Variants in SLITRK1 observed in about 807,000 individuals in gnomAD.
The protein encoded by SLITRK1 is SLIT and NTRK-like protein 1.
Under a neutral mutation model 42.4 loss-of-function variants are expected in SLITRK1, and 10 were observed. The ratio of observed to expected loss-of-function variants is 0.24; its 90% confidence interval spans 0.15 to 0.40. SLITRK1 has a LOEUF of 0.40. SLITRK1 is among the 10% of genes least tolerant of loss of function. SLITRK1 has a pLI of 1.00. For synonymous variants in SLITRK1, 389 were observed against 365.7 expected (o/e 1.06, Z -0.73); for missense variants, 778 against 848.8 (o/e 0.92, Z 1.04).
chr13:83,881,649 G>A, intron 1 of SLITRK1, 89 bp from the exon 2 acceptor site: 1 of 873,654 alleles, frequency 1.1e-6, no homozygotes, highest in South Asian at 1.5e-5. Flanking sequence ...GGGGGTGGGG[G>A]TGGATTCCTT....
Position 83,879,183 on chromosome 13 carries a change from A to G in SLITRK1, c.*234T>C, listed in dbSNP as rs1884751047. 2 of 561,524 alleles carry G rather than the reference A, an allele frequency of 3.6e-6. No individual in the cohort carries two copies. The highest frequency in any genetic ancestry group is 3.2e-6 in the Non-Finnish European group (1 of 314,000). 34.8% of individuals were successfully genotyped at this position (561,524 alleles called of 1,614,324 possible). Reference sequence around the variant, plus strand: ...CTGTCAAAAGGGGCTCTCAGCAAAGAGCGAGCTGGCTGCGCTCTCCCAGCT... The same window carrying G: ...CTGTCAAAAGGGGCTCTCAGCAAAGGGCGAGCTGGCTGCGCTCTCCCAGCT... On this transcript the variant is annotated 3_prime_UTR_variant, in exon 2 of 2. Coordinates refer to ENST00000674365, the MANE Select transcript of SLITRK1 (RefSeq NM_001281503.2).
chr13:83,880,466 C>A lies in SLITRK1; in HGVS notation c.1042G>T (p.Asp348Tyr), dbSNP rs1232822038. 1 of 1,613,958 alleles carries A rather than the reference C, an allele frequency of 6.2e-7. No homozygotes were observed. Among genetic ancestry groups the A allele is most frequent in the Non-Finnish European group, 8.5e-7 (1 of 1,180,004 alleles). ...TTTAAACCCGACCCTGGGATGTGGT[C>A]GCAGCTGCAGCCCCCAGGGCAGGGT... ...SLPCPGGCSCDHIPGSGLKMN... is the reference protein window; with the variant it reads ...SLPCPGGCSCYHIPGSGLKMN... The change falls in exon 2 of 2, where the codon GAC becomes TAC. Residue 348 changes from aspartate to tyrosine, a missense_variant. Asp to Tyr is a radical substitution (Grantham distance 160, BLOSUM62 -3). Transcript: ENST00000674365.
Position 83,877,315 on chromosome 13 carries a change from G to A in SLITRK1, c.*2102C>T, listed in dbSNP as rs943575786. ...TCCCTTTAGAATATGAGTTCTAGAT[G>A]GCAGATCTACTTACAACTGCTCTGA... On this transcript the variant is annotated 3_prime_UTR_variant, in exon 2 of 2. Transcript: ENST00000674365. 6.6e-6 allele frequency: 1 copy of A among 152,060 alleles called. No individual in the cohort carries two copies. Among genetic ancestry groups the A allele is most frequent in the Non-Finnish European group, 1.5e-5 (1 of 68,016 alleles). The allele number at this position is 152,060 out of a possible 1,614,324, so 9.4% of individuals were successfully genotyped here. A position where few individuals can be genotyped will look rare whatever the true frequency, so the allele number is the denominator to read the frequency against.
chr13:83,881,020 T>G lies in SLITRK1; in HGVS notation c.488A>C (p.Asp163Ala). ...GGCAGGTAGGGTGCTGATGAGATTG[T>G]CATTTAAAATGAGCACCTCCAGCTT... ...LNKLEVLILN[D>A]NLISTLPANV... The change falls in exon 2 of 2, where the codon GAC becomes GCC. Residue 163 changes from aspartate (D) to alanine (A), a missense_variant. By Grantham distance (126) the Asp-to-Ala change is moderately radical. Transcript: ENST00000674365. 1 of 1,614,042 alleles carries G rather than the reference T, an allele frequency of 6.2e-7. No homozygotes were observed.
Position 83,880,197 on chromosome 13 carries a change from C to A in SLITRK1, c.1311G>T (p.Thr437=). The A allele has an allele frequency of 6.2e-7, 1 of 1,613,962 alleles. No individual in the cohort carries two copies. Among genetic ancestry groups the A allele is most frequent in the Non-Finnish European group, 8.5e-7 (1 of 1,180,014 alleles). ...GCCCCGCGAATTTCTCCCGGGACAG[C>A]GTGTCCAGGTAATTGCTATCCATGT... ...WLYMDSNYLD[T]LSREKFAGLQ... Residue 437 remains threonine, a synonymous_variant, in exon 2 of 2, where the codon ACG becomes ACT. Coordinates refer to ENST00000674365, the MANE Select transcript of SLITRK1 (RefSeq NM_001281503.2).
chr13:83,880,635 C>G lies in SLITRK1; in HGVS notation c.873G>C (p.Lys291Asn), dbSNP rs1411826729. The G allele has an allele frequency of 6.2e-7, 1 of 1,614,130 alleles. No homozygotes were observed. Among genetic ancestry groups the G allele is most frequent in the South Asian group, 1.1e-5 (1 of 91,078 alleles). ...TGGCATGATCCTCTTGCCCATTTGT[C>G]TTGAAAGGAGTTGGCAGGGGTCCAG... ...FAPGPLPTPFKTNGQEDHATP... is the reference protein window; with the variant it reads ...FAPGPLPTPFNTNGQEDHATP... Residue 291 changes from lysine to asparagine, a missense_variant, in exon 2 of 2, where the codon AAG becomes AAC. Transcript: ENST00000674365.
At position 83,879,270 on chromosome 13, in the gene SLITRK1, G is replaced by T; in HGVS notation, c.*147C>A. Reference sequence around the variant, plus strand: ...AGTAAGGGGTCAGGCCCTTTCGGTTGTGCGAGCTCACAGTTATTTATCTAC... The same window carrying T: ...AGTAAGGGGTCAGGCCCTTTCGGTTTTGCGAGCTCACAGTTATTTATCTAC... On this transcript the variant is annotated 3_prime_UTR_variant, in exon 2 of 2. Coordinates refer to ENST00000674365, the MANE Select transcript of SLITRK1 (RefSeq NM_001281503.2). 1 of 959,066 alleles carries T rather than the reference G, an allele frequency of 1.0e-6. No individual in the cohort carries two copies. The highest frequency in any genetic ancestry group is 1.6e-6 in the Non-Finnish European group (1 of 629,818). 59.4% of individuals were successfully genotyped at this position (959,066 alleles called of 1,614,324 possible). A position where few individuals can be genotyped will look rare whatever the true frequency, so the allele number is the denominator to read the frequency against.
chr13:83,879,979 G>A lies in SLITRK1; in HGVS notation c.1529C>T (p.Pro510Leu), dbSNP rs757819524. The A allele has an allele frequency of 2.5e-6, 4 of 1,614,058 alleles. No individual in the cohort carries two copies. The highest frequency in any genetic ancestry group is 1.7e-5 in the Admixed American group (1 of 60,008). ...TAACTGGTCCAGCACCCCTGCCACC[G>A]GGAGGTACATGAAGTAATTGTTGTG... is the stretch of plus-strand genomic sequence containing the variant. ...SLHNNYFMYL[P>L]VAGVLDQLTS... The change falls in exon 2 of 2, where the codon CCG becomes CTG. Residue 510 changes from proline to leucine, a missense_variant. Coordinates refer to ENST00000674365, the MANE Select transcript of SLITRK1 (RefSeq NM_001281503.2).
At position 83,880,379 on chromosome 13, in the gene SLITRK1, C is replaced by T. The variant is rs761639713; in HGVS notation, c.1129G>A (p.Val377Met). Residue 377 changes from valine to methionine, a missense_variant, in exon 2 of 2, where the codon GTG becomes ATG. Physicochemically the swap from Val to Met is conservative, Grantham distance 21. Around this residue, in one of 4 missense-constraint regions of SLITRK1, gnomAD observed 395 missense variants for 360.4 expected, o/e 1.10. Coordinates refer to ENST00000674365, the MANE Select transcript of SLITRK1 (RefSeq NM_001281503.2). Reference sequence around the variant, plus strand: ...TTATCTCGTAGGAAAAGCTCCTGCACGTTAGAGAGCTTGGGCTTCAAATCA... The same window carrying T: ...TTATCTCGTAGGAAAAGCTCCTGCATGTTAGAGAGCTTGGGCTTCAAATCA... ...LADLKPKLSN[V>M]QELFLRDNKI... 33 of 1,613,716 alleles carry T rather than the reference C, an allele frequency of 2.0e-5. No homozygotes were observed. The highest frequency in any genetic ancestry group is 2.5e-5 in the Non-Finnish European group (29 of 1,180,010).
Position 83,881,562 on chromosome 13 carries a change from T to C in SLITRK1, c.-53-2A>G. The C allele has an allele frequency of 1.3e-6, 2 of 1,524,186 alleles. No individual in the cohort carries two copies. The highest frequency in any genetic ancestry group is 1.8e-6 in the Non-Finnish European group (2 of 1,123,896). The allele number at this position is 1,524,186 out of a possible 1,614,324, so 94.4% of individuals were successfully genotyped here. ...CATCACAAAGTAACAGCGACCATCC[T>C]GCTCGCCACAGACACAATTCAAGTT... is the stretch of plus-strand genomic sequence containing the variant. On this transcript the variant is annotated splice_acceptor_variant, in intron 1 of 1. Coordinates refer to ENST00000674365, the MANE Select transcript of SLITRK1 (RefSeq NM_001281503.2). LOFTEE classifies it low-confidence loss of function (5UTR_SPLICE).
In SLITRK1 at chr13:83,880,112, T is replaced by C. The variant is rs1566298714; in HGVS notation, c.1396A>G (p.Thr466Ala). ...CTCAGTTTGGGCATGGCATTGAAAG[T>C]GCCCGGGAGGATGAGCTGGATAGCG... ...YNAIQLILPGTFNAMPKLRIL... is the reference protein window; with the variant it reads ...YNAIQLILPGAFNAMPKLRIL... Residue 466 changes from threonine to alanine, a missense_variant, in exon 2 of 2, where the codon ACT becomes GCT. By Grantham distance (58) the Thr-to-Ala change is moderately conservative (BLOSUM62 0). Around this residue, in one of 4 missense-constraint regions of SLITRK1, gnomAD observed 395 missense variants for 360.4 expected, o/e 1.10. Coordinates refer to ENST00000674365, the MANE Select transcript of SLITRK1 (RefSeq NM_001281503.2). 6.2e-7 allele frequency: 1 copy of C among 1,613,912 alleles called. No homozygotes were observed. The highest frequency in any genetic ancestry group is 1.3e-5 in the African/African-American group (1 of 74,984).
chr13:83,880,736 G>C lies in SLITRK1; in HGVS notation c.772C>G (p.Gln258Glu). The C allele has an allele frequency of 6.2e-7, 1 of 1,614,162 alleles. No homozygotes were observed. Among genetic ancestry groups the C allele is most frequent in the South Asian group, 1.1e-5 (1 of 91,076 alleles). The change falls in exon 2 of 2, where the codon CAG becomes GAG. Residue 258 changes from glutamine (Q) to glutamate (E), a missense_variant. Coordinates refer to ENST00000674365, the MANE Select transcript of SLITRK1 (RefSeq NM_001281503.2). ...QGKDLNETTE[Q>E]DLCPLKNRVD... ...CGGTTTTTCAAAGGACACAAGTCCTGTTCGGTGGTTTCATTGAGGTCTTTA... is the reference window on the plus strand; with the variant it reads ...CGGTTTTTCAAAGGACACAAGTCCTCTTCGGTGGTTTCATTGAGGTCTTTA...
chr13:83,880,016 T>C lies in SLITRK1; in HGVS notation c.1492A>G (p.Lys498Glu), dbSNP rs886050334. 2 of 1,613,752 alleles carry C rather than the reference T, an allele frequency of 1.2e-6. No individual in the cohort carries two copies. The highest frequency in any genetic ancestry group is 1.7e-6 in the Non-Finnish European group (2 of 1,179,982). Residue 498 changes from lysine to glutamate, a missense_variant, in exon 2 of 2, where the codon AAA becomes GAA. Transcript: ENST00000674365. ...AAGTAATTGTTGTGCAGGCTGAGTTTAGAGAGCGAGACCCCAGCGAACACG... is the reference window on the plus strand; with the variant it reads ...AAGTAATTGTTGTGCAGGCTGAGTTCAGAGAGCGAGACCCCAGCGAACACG... ...VDVFAGVSLSKLSLHNNYFMY... is the reference protein window; with the variant it reads ...VDVFAGVSLSELSLHNNYFMY...
chr13:83,877,508 A>G lies in SLITRK1; in HGVS notation c.*1909T>C, dbSNP rs1884715237. ...ACTGCTGTTTAGAAATCCCAGAGGA[A>G]TATGATTGAGGCCAGAGTTACATTG... On this transcript the variant is annotated 3_prime_UTR_variant, in exon 2 of 2. Coordinates refer to ENST00000674365, the MANE Select transcript of SLITRK1 (RefSeq NM_001281503.2). 1 of 152,194 alleles carries G rather than the reference A, an allele frequency of 6.6e-6. No homozygotes were observed. 9.4% of individuals were successfully genotyped at this position (152,194 alleles called of 1,614,324 possible). A position where few individuals can be genotyped will look rare whatever the true frequency, so the allele number is the denominator to read the frequency against.
rs775911456 is a variant in SLITRK1 at position 83,879,920 on chromosome 13, G to A, written c.1588C>T (p.Pro530Ser). The A allele has an allele frequency of 6.2e-7, 1 of 1,614,074 alleles. No individual in the cohort carries two copies. Among genetic ancestry groups the A allele is most frequent in the South Asian group, 1.1e-5 (1 of 91,076 alleles). The part of the protein sequence containing the change: ...SIIQIDLHGN[P>S]WECSCTIVPF... Reference sequence around the variant, plus strand: ...ACAATTGTGCAGGAGCACTCCCAGGGGTTTCCGTGGAGGTCTATCTGGATG... The same window carrying A: ...ACAATTGTGCAGGAGCACTCCCAGGAGTTTCCGTGGAGGTCTATCTGGATG... Residue 530 changes from proline to serine, a missense_variant, in exon 2 of 2, where the codon CCC becomes TCC. Around this residue, in one of 4 missense-constraint regions of SLITRK1, gnomAD observed 395 missense variants for 360.4 expected, o/e 1.10. Transcript: ENST00000674365.
chr13:83,879,349 C>G lies in SLITRK1; in HGVS notation c.*68G>C. The G allele has an allele frequency of 6.3e-7, 1 of 1,596,224 alleles. No homozygotes were observed. The highest frequency in any genetic ancestry group is 8.5e-7 in the Non-Finnish European group (1 of 1,173,932). On this transcript the variant is annotated 3_prime_UTR_variant, in exon 2 of 2. Coordinates refer to ENST00000674365, the MANE Select transcript of SLITRK1 (RefSeq NM_001281503.2). ...GATTTGGGTACACGCCCCTCCAGCC[C>G]CCGGGGTGCCTGCGGTGGGGAAGGA...
chr13:83,879,753 G>T lies in SLITRK1; in HGVS notation c.1755C>A (p.Ile585=). Residue 585 remains isoleucine (I), a synonymous_variant, in exon 2 of 2, where the codon ATC becomes ATA. Coordinates refer to ENST00000674365, the MANE Select transcript of SLITRK1 (RefSeq NM_001281503.2). ...TACTGTGCGAAGTTAACGTGGGCGA[G>T]ATCCTAGCGTACAGCTGAGGGCAGA... ...DEICPQLYAR[I]SPTLTSHSKN... 6.2e-7 allele frequency: 1 copy of T among 1,614,058 alleles called. No individual in the cohort carries two copies. The highest frequency in any genetic ancestry group is 8.5e-7 in the Non-Finnish European group (1 of 1,180,012).
chr13:83,879,074 A>G lies in SLITRK1; in HGVS notation c.*343T>C, dbSNP rs1478319264. The G allele has an allele frequency of 7.9e-6, 3 of 379,878 alleles. No individual in the cohort carries two copies. Among genetic ancestry groups the G allele is most frequent in the Admixed American group, 7.4e-5 (2 of 27,136 alleles). 23.5% of individuals were successfully genotyped at this position (379,878 alleles called of 1,614,324 possible). On this transcript the variant is annotated 3_prime_UTR_variant, in exon 2 of 2. Coordinates refer to ENST00000674365, the MANE Select transcript of SLITRK1 (RefSeq NM_001281503.2). ...GATGTGGATATATGTATATATGTAT[A>G]GAACCGCGGCATCCAACCCCACAGG...
In SLITRK1 at chr13:83,878,683, C is replaced by T. The variant is rs777788155; in HGVS notation, c.*734G>A. 2.0e-5 allele frequency: 3 copies of T among 152,588 alleles called. No individual in the cohort carries two copies. Among genetic ancestry groups the T allele is most frequent in the Non-Finnish European group, 4.4e-5 (3 of 68,050 alleles). 9.5% of individuals were successfully genotyped at this position (152,588 alleles called of 1,614,324 possible). A position where few individuals can be genotyped will look rare whatever the true frequency, so the allele number is the denominator to read the frequency against. Reference sequence around the variant, plus strand: ...AGCCATGCAAATGTCCTAAATAAAACCTTTACATTTTTTTCACAGTTAACT... The same window carrying T: ...AGCCATGCAAATGTCCTAAATAAAATCTTTACATTTTTTTCACAGTTAACT... On this transcript the variant is annotated 3_prime_UTR_variant, in exon 2 of 2. Transcript: ENST00000674365.
Sources: gnomAD v4.1 joint callset for allele counts on GRCh38, gnomAD v4.1.1 for gene constraint, gnomAD v4.1.1 regional missense constraint, MANE v1.5 for transcripts, NCBI Gene and HGNC (gene_info 2026-07-23, HGNC 2026-07-21) for gene names.